ZNF546: variants seen among roughly 807,000 people sequenced by gnomAD.
ZNF546 encodes zinc finger protein 546, also known as CTC-471F3.6.
Under a neutral mutation model 76.2 loss-of-function variants are expected in ZNF546, and 60 were observed. The ratio of observed to expected loss-of-function variants is 0.79; its 90% CI spans 0.64 to 0.98. The LOEUF (loss-of-function observed/expected upper bound fraction) is 0.98, where lower values mean the gene tolerates loss of function less well. Among genes scored for constraint, ZNF546 ranks in the 50% least tolerant of loss-of-function variants. The pLI is 0.00. For synonymous variants in ZNF546, 277 were observed against 328.1 expected, an observed-to-expected ratio of 0.84 and a Z score of 1.68; for missense variants, 936 against 1,035.6, an observed-to-expected ratio of 0.90 and a Z score of 1.32.
rs746200919 is a variant in ZNF546, at chr19:40,006,183, G to A, written c.171+1G>A. The A allele has an allele frequency of 1.2e-6, 2 of 1,611,086 alleles. No individual in the cohort carries two copies. Among genetic ancestry groups the A allele is most frequent in the Non-Finnish European group, 8.5e-7 (1 of 1,178,640 alleles). On this transcript the variant is annotated splice_donor_variant, in intron 4 of 6. Coordinates refer to ENST00000347077, the MANE Select transcript of ZNF546 (RefSeq NM_178544.5). LOFTEE classifies it high-confidence loss of function. Reference sequence around the variant, plus strand: ...TTGTGGTTCTAAAACCATGGCCAATGTAAGTTTGTGTTTTTCTTCCTTGAA... The same window carrying A: ...TTGTGGTTCTAAAACCATGGCCAATATAAGTTTGTGTTTTTCTTCCTTGAA...
At chr19:40,001,237 G>C (rs1327404917) in intron 3 of ZNF546, among the ~76,000 whole-genome samples, 1 of 152,216 alleles carries the variant, frequency 6.6e-6, no homozygotes, top group African/African-American at 2.4e-5. Context: ...GTTCCTAACA[G>C]GCCGTGGTCC....
Position 40,006,097 on chromosome 19 carries a change from C to T in ZNF546, c.86C>T (p.Pro29Leu). 1 of 1,613,832 alleles carries T rather than the reference C, an allele frequency of 6.2e-7. No homozygotes were observed. Among genetic ancestry groups the T allele is most frequent in the Non-Finnish European group, 8.5e-7 (1 of 1,179,892 alleles). Residue 29 changes from proline to leucine, a missense_variant and splice_region_variant, in exon 4 of 7, where the codon CCC becomes CTC. Physicochemically the swap from Pro to Leu is moderately conservative, Grantham distance 98 (BLOSUM62 -3). Transcript: ENST00000347077. ...AGAGTCACTTGTTCTTCCCCCCAGCCCCGGTTTCTCTGGATTCTGTGCTTC... is the reference window on the plus strand; with the variant it reads ...AGAGTCACTTGTTCTTCCCCCCAGCTCCGGTTTCTCTGGATTCTGTGCTTC... The part of the protein sequence containing the change: ...IIPLHSLSIM[P>L]RFLWILCFSM...
At chr19:40,004,354 A>G (rs1390044089) in intron 3 of ZNF546, among the ~76,000 whole-genome samples, 1 of 151,468 alleles carries the variant, frequency 6.6e-6, no homozygotes, top group Non-Finnish European at 1.5e-5. Context: ...TGCAACCTCC[A>G]CCTCCTGGGT....
At chr19:40,008,771 C>G (rs1274524714) in intron 6 of ZNF546, among the ~76,000 whole-genome samples, 1 of 152,236 alleles carries the variant, frequency 6.6e-6, no homozygotes, top group African/African-American at 2.4e-5. Context: ...CTCCTTGTTT[C>G]TCTTCTCTCG....
At position 40,013,743 on chromosome 19, in the gene ZNF546, CAG is replaced by C. The variant is rs1568387892; in HGVS notation, c.474_475del (p.Glu160LysfsTer3). The C allele has an allele frequency of 2.5e-6, 4 of 1,603,000 alleles. No individual in the cohort carries two copies. The highest frequency in any genetic ancestry group is 1.7e-5 in the Admixed American group (1 of 58,174). ...AAAATCTATTTATCTCAATTGCAGA[CAG>C]GGGAAAAAAGTAAAAACACCATCCA... On this transcript the variant is annotated frameshift_variant, in exon 7 of 7. Transcript: ENST00000347077. LOFTEE classifies it high-confidence loss of function.
At position 40,014,262 on chromosome 19, in the gene ZNF546, G is replaced by C; in HGVS notation, c.992G>C (p.Cys331Ser). The change falls in exon 7 of 7, where the codon TGT becomes TCT. Residue 331 changes from cysteine (C) to serine (S), a missense_variant. Cys to Ser is a moderately radical substitution (Grantham distance 112). Transcript: ENST00000347077. ...TIHAGERPYECKECGKAFRLH... is the reference protein window; with the variant it reads ...TIHAGERPYESKECGKAFRLH... The stretch of plus-strand genomic sequence containing the variant: ...CATGCTGGAGAGAGACCTTATGAAT[G>C]TAAAGAATGTGGGAAGGCCTTTAGA... The C allele has an allele frequency of 6.2e-7, 1 of 1,613,934 alleles. No homozygotes were observed. Among genetic ancestry groups the C allele is most frequent in the Non-Finnish European group, 8.5e-7 (1 of 1,179,856 alleles).
chr19:39,998,919 CCT>C (rs1971491179), intron 3 of ZNF546, among the ~76,000 whole-genome samples: 1 of 151,996 alleles, frequency 6.6e-6, no homozygotes, highest in African/African-American at 2.4e-5. Context: ...ATTACAGGCG[CCT>C]GCCACCATGC....
chr19:39,998,040 A>G (rs1362736703), intron 2 of ZNF546, 125 bp downstream of exon 2: 3 of 428,928 alleles, frequency 7.0e-6, no homozygotes, highest in East Asian at 9.0e-5. Context: ...GCCACAATCT[A>G]CCACAGAGCC....
Position 40,007,336 on chromosome 19 carries a change from C to A in ZNF546, c.234C>A (p.Asp78Glu). The A allele has an allele frequency of 6.2e-7, 1 of 1,606,880 alleles. No homozygotes were observed. Reference sequence around the variant, plus strand: ...CCCAAGAGGAGTGGGAGTGCCTGGACGCTGTGCAGAGGGACTTGTACAAGG... The same window carrying A: ...CCCAAGAGGAGTGGGAGTGCCTGGAAGCTGTGCAGAGGGACTTGTACAAGG... ...DLSQEEWECL[D>E]AVQRDLYKDV... The change falls in exon 5 of 7, where the codon GAC becomes GAA. Residue 78 changes from aspartate (D) to glutamate (E), a missense_variant. By Grantham distance (45) the Asp-to-Glu change is conservative. Coordinates refer to ENST00000347077, the MANE Select transcript of ZNF546 (RefSeq NM_178544.5).
intron 6 of ZNF546, among the ~76,000 whole-genome samples, chr19:40,012,621 T>C (rs1040458013): frequency 2.6e-5 from 4 of 152,134 alleles, no homozygotes; most frequent in African/African-American, 7.2e-5. Context: ...AGGTACAGAT[T>C]TTCAAAATGA....
intron 5 of ZNF546, 91 bp from the exon 6 acceptor site, chr19:40,008,379 A>G (rs1007768055): frequency 1.0e-6 from 1 of 964,482 alleles, no homozygotes; most frequent in Non-Finnish European, 1.5e-6. Flanking sequence ...GCAGTTTCTT[A>G]CAAATGTAAC....
At chr19:40,003,748 A>G (rs1971559990) in intron 3 of ZNF546, among the ~76,000 whole-genome samples, 1 of 152,184 alleles carries the variant, frequency 6.6e-6, no homozygotes, top group African/African-American at 2.4e-5. Flanking sequence ...ACAGTGGCTC[A>G]TGCCTGCAAT....
At position 40,015,297 on chromosome 19, in the gene ZNF546, G is replaced by A. The variant is rs1372704397; in HGVS notation, c.2027G>A (p.Arg676Gln). Reference sequence around the variant, plus strand: ...ACGGAATGTGGGAAGACGTTTAGTCGGCACTATCATCTTACTCAACATCAC... The same window carrying A: ...ACGGAATGTGGGAAGACGTTTAGTCAGCACTATCATCTTACTCAACATCAC... ...ECTECGKTFS[R>Q]HYHLTQHHRG... Residue 676 changes from arginine to glutamine, a missense_variant, in exon 7 of 7, where the codon CGG becomes CAG. By Grantham distance (43) the Arg-to-Gln change is conservative. Transcript: ENST00000347077. 42 of 1,613,598 alleles carry A rather than the reference G, an allele frequency of 2.6e-5. No homozygotes were observed. Among genetic ancestry groups the A allele is most frequent in the Middle Eastern group, 3.3e-4 (2 of 6,082 alleles).
At chr19:40,004,757 G>T (rs1056402445) in intron 3 of ZNF546, among the ~76,000 whole-genome samples, 1 of 151,764 alleles carries the variant, frequency 6.6e-6, no homozygotes, top group Non-Finnish European at 1.5e-5. Flanking sequence ...TAATTATATT[G>T]TACATTCTGG....
chr19:40,015,494 C>T lies in ZNF546; in HGVS notation c.2224C>T (p.Leu742Phe). 6.2e-7 allele frequency: 1 copy of T among 1,613,252 alleles called. No individual in the cohort carries two copies. Among genetic ancestry groups the T allele is most frequent in the Non-Finnish European group, 8.5e-7 (1 of 1,179,702 alleles). ...RRYHLTQHFR[L>F]HTGEKPYSCK... ...GTATCATCTTACTCAACATTTTAGACTTCATACTGGTGAGAAACCTTATAG... is the reference window on the plus strand; with the variant it reads ...GTATCATCTTACTCAACATTTTAGATTTCATACTGGTGAGAAACCTTATAG... The change falls in exon 7 of 7, where the codon CTT (leucine) becomes TTT (phenylalanine). Residue 742 changes from leucine (L) to phenylalanine (F), a missense_variant. Coordinates refer to ENST00000347077, the MANE Select transcript of ZNF546 (RefSeq NM_178544.5).
rs778592342 is a variant in ZNF546 at position 40,015,567 on chromosome 19, G to A, written c.2297G>A (p.Arg766Gln). Reference sequence around the variant, plus strand: ...TTTCGTCTTCAAGCAGAACTTACTCGACATCACATAGTTCACACGGGTGAG... The same window carrying A: ...TTTCGTCTTCAAGCAGAACTTACTCAACATCACATAGTTCACACGGGTGAG... ...NAFRLQAELT[R>Q]HHIVHTGEKP... Residue 766 changes from arginine (R) to glutamine (Q), a missense_variant, in exon 7 of 7, where the codon CGA becomes CAA. Arg to Gln is a conservative substitution (Grantham distance 43). Coordinates refer to ENST00000347077, the MANE Select transcript of ZNF546 (RefSeq NM_178544.5). 23 of 1,613,398 alleles carry A rather than the reference G, an allele frequency of 1.4e-5. No homozygotes were observed. The highest frequency in any genetic ancestry group is 5.5e-5 in the South Asian group (5 of 91,028).
intron 5 of ZNF546, 25 bp downstream of exon 5, chr19:40,007,425 A>C: frequency 1.3e-6 from 2 of 1,568,662 alleles, no homozygotes; most frequent in Non-Finnish European, 1.7e-6. Flanking sequence ...GAAATCGTTT[A>C]CAATCTGTTT....
rs1387070267 is a variant in ZNF546 at position 40,019,256 on chromosome 19, GC to G, written c.*3477del. ...TATATTCAGGAAACAAATATTGAGG[GC>G]CAGCACTTTGTTTCTCCTGCTCACC... On this transcript the variant is annotated 3_prime_UTR_variant, in exon 7 of 7. Transcript: ENST00000347077. The G allele has an allele frequency of 1.3e-5, 2 of 152,156 alleles. No individual in the cohort carries two copies. The highest frequency in any genetic ancestry group is 2.9e-5 in the Non-Finnish European group (2 of 68,032). The allele number at this position is 152,156 out of a possible 1,614,324, so 9.4% of individuals were successfully genotyped here.
chr19:40,003,022 A>C, intron 3 of ZNF546, among the ~76,000 whole-genome samples: 1 of 133,130 alleles, frequency 7.5e-6, no homozygotes, highest in African/African-American at 2.8e-5. Flanking sequence ...TTTATTTAAA[A>C]TTTGATTTAA....
Sources: gnomAD v4.1 joint callset for allele counts (sites outside exome capture counted in the v4.1 genomes callset) on GRCh38, gnomAD v4.1.1 for gene constraint, MANE v1.5 for transcripts, NCBI Gene and HGNC (gene_info 2026-07-23, HGNC 2026-07-21) for gene names.